ECT2L: variants seen among roughly 807,000 people sequenced by gnomAD.
ECT2L encodes the protein epithelial cell-transforming sequence 2 oncogene-like.
A neutral mutation model predicts 122.8 loss-of-function variants in ECT2L; 126 were observed. That is an observed-to-expected ratio of 1.03 (90% CI 0.89 to 1.19). The LOEUF (loss-of-function observed/expected upper bound fraction) is 1.19. ECT2L is among the 50% of genes most tolerant of loss of function. The pLI is 0.00. For synonymous variants in ECT2L, 385 were observed against 381.8 expected, an observed-to-expected ratio of 1.01 and a Z score of -0.10; for missense variants, 1,012 against 1,064.1, an observed-to-expected ratio of 0.95 and a Z score of 0.68.
intron 5 of ECT2L, among the ~76,000 whole-genome samples, chr6:138,839,726 A>AT (rs1419241150): frequency 6.6e-6 from 1 of 151,798 alleles, no homozygotes; most frequent in African/African-American, 2.4e-5. Context: ...TTTACTATTT[A>AT]TTTTTTGTTT....
intron 8 of ECT2L, among the ~76,000 whole-genome samples, chr6:138,848,149 GAC>G (rs1256269502): frequency 1.3e-5 from 2 of 152,108 alleles, no homozygotes; most frequent in Non-Finnish European, 2.9e-5. Context: ...TCCCTCCCTC[GAC>G]ACACAGGGAT....
intron 20 of ECT2L, among the ~76,000 whole-genome samples, chr6:138,893,195 GT>G (rs779846824): frequency 2.3e-5 from 3 of 128,648 alleles, no homozygotes; most frequent in Non-Finnish European, 1.7e-5. Context: ...GTTTTTTTTT[GT>G]TTTTTTTTCC....
At chr6:138,833,823 T>TA (rs10661959) in intron 4 of ECT2L, among the ~76,000 whole-genome samples, 2,215 of 150,122 alleles carry the variant, frequency 0.015, 43 homozygotes, top group African/African-American at 0.041. Flanking sequence ...AATAAATAAT[T>TA]AAAAAAAAAT....
rs1775957191 is a variant in ECT2L at position 138,813,176 on chromosome 6, T to C, written c.-99T>C. The C allele has an allele frequency of 1.3e-6, 1 of 741,352 alleles. No individual in the cohort carries two copies. Among genetic ancestry groups the C allele is most frequent in the South Asian group, 1.8e-5 (1 of 55,206 alleles). 45.9% of individuals were successfully genotyped at this position (741,352 alleles called of 1,614,324 possible). Reference sequence around the variant, plus strand: ...TAACATATTGGTTATTTCTAGGTGATCTTAATTGCACACCTATTGAAATAA... The same window carrying C: ...TAACATATTGGTTATTTCTAGGTGACCTTAATTGCACACCTATTGAAATAA... On this transcript the variant is annotated 5_prime_UTR_variant, in exon 3 of 22. Coordinates refer to ENST00000541398, the MANE Select transcript of ECT2L (RefSeq NM_001077706.3).
chr6:138,850,694 T>G (rs2128393818), intron 9 of ECT2L, among the ~76,000 whole-genome samples: 1 of 152,250 alleles, frequency 6.6e-6, no homozygotes, highest in South Asian at 2.1e-4. Context: ...ATGATAGTTC[T>G]ATTTTTACCT....
intron 18 of ECT2L, 133 bp downstream of exon 18, chr6:138,885,963 T>C (rs1778807991): frequency 4.8e-6 from 4 of 838,556 alleles, no homozygotes; most frequent in South Asian, 4.1e-5. Context: ...CTTTTAATGC[T>C]AAATCAATAG....
intron 4 of ECT2L, among the ~76,000 whole-genome samples, chr6:138,830,458 G>A (rs1168173294): frequency 6.6e-6 from 1 of 152,112 alleles, no homozygotes. Flanking sequence ...TGTCAAAAAC[G>A]AATGGATATA....
intron 4 of ECT2L, among the ~76,000 whole-genome samples, chr6:138,838,047 C>T (rs1044561809): frequency 1.3e-4 from 19 of 151,880 alleles, no homozygotes; most frequent in African/African-American, 4.4e-4. Context: ...ATTACAGGCA[C>T]GCACCACCAT....
chr6:138,822,902 C>T (rs1776315608), intron 4 of ECT2L: 20 of 1,613,772 alleles, frequency 1.2e-5, no homozygotes, highest in South Asian at 5.5e-5. Context: ...CAATAGCTTT[C>T]GTCATTGGAC....
At position 138,868,110 on chromosome 6, in the gene ECT2L, T is replaced by C. The variant is rs376887350; in HGVS notation, c.1482T>C (p.Phe494=). Residue 494 remains phenylalanine (F), a synonymous_variant, in exon 13 of 22, where the codon TTT becomes TTC. Coordinates refer to ENST00000541398, the MANE Select transcript of ECT2L (RefSeq NM_001077706.3). The part of the protein sequence containing the change: ...KSISGRMIGQ[F]MFDTMGMTNI... ...GTGGCCTTGTATTTACAGGGCAGTTTATGTTTGACACCATGGGTATGACCA... is the reference window on the plus strand; with the variant it reads ...GTGGCCTTGTATTTACAGGGCAGTTCATGTTTGACACCATGGGTATGACCA... 1 of 1,607,806 alleles carries C rather than the reference T, an allele frequency of 6.2e-7. No homozygotes were observed.
intron 13 of ECT2L, among the ~76,000 whole-genome samples, chr6:138,869,535 A>G (rs1301156346): frequency 1.3e-5 from 2 of 152,240 alleles, no homozygotes; most frequent in Non-Finnish European, 2.9e-5. Context: ...AGTGAGGCTC[A>G]GGCAGCCCAA....
chr6:138,890,632 G>T (rs1582665157), intron 20 of ECT2L, among the ~76,000 whole-genome samples: 2 of 149,196 alleles, frequency 1.3e-5, no homozygotes, highest in African/African-American at 4.9e-5. Flanking sequence ...TCCAGTTTTT[G>T]ATTATTAGAT....
intron 10 of ECT2L, among the ~76,000 whole-genome samples, chr6:138,857,564 T>A (rs186703448): frequency 1.3e-5 from 2 of 152,268 alleles, no homozygotes; most frequent in Admixed American, 1.3e-4. Flanking sequence ...CCCTGCTCCA[T>A]TCCCACCTCA....
At chr6:138,877,246 C>A (rs1284640489) in intron 14 of ECT2L, among the ~76,000 whole-genome samples, 2 of 152,148 alleles carry the variant, frequency 1.3e-5, no homozygotes, top group Non-Finnish European at 2.9e-5. Context: ...AGACCTGGGG[C>A]TCTTTCCCAG....
intron 4 of ECT2L, among the ~76,000 whole-genome samples, chr6:138,832,709 C>G (rs1396501253): frequency 3.9e-5 from 6 of 152,036 alleles, no homozygotes; most frequent in African/African-American, 1.4e-4. Context: ...CTGTGAATTT[C>G]TCAATTTCAG....
chr6:138,889,063 G>T, intron 20 of ECT2L, 32 bp downstream of exon 20: 1 of 1,268,558 alleles, frequency 7.9e-7, no homozygotes, highest in South Asian at 1.6e-5. Context: ...TAAGGCTGTG[G>T]ACACCTTCCA....
At position 138,827,422 on chromosome 6, in the gene ECT2L, G is replaced by A. The variant is rs982126920; in HGVS notation, c.180-10930G>A. ...ATTTCTTTATAGCAACACAAGAAGG[G>A]CCTAACACATATACAAACAATATAA... On this transcript the variant is annotated intron_variant, in intron 4 of 21. Transcript: ENST00000541398. 3.9e-5 allele frequency among the ~76,000 whole-genome samples: 6 copies of A among 152,058 alleles called. No homozygotes were observed. The East Asian group carries it at 1.2e-3, about 29-fold the overall frequency.
At chr6:138,852,161 A>C (rs1013319940) in intron 9 of ECT2L, among the ~76,000 whole-genome samples, 1 of 152,204 alleles carries the variant, frequency 6.6e-6, no homozygotes, top group Non-Finnish European at 1.5e-5. Flanking sequence ...ACACCTCTGT[A>C]GTCCCAGCTA....
At chr6:138,834,316 C>CCTTA (rs1452999163) in intron 4 of ECT2L, among the ~76,000 whole-genome samples, 1 of 142,742 alleles carries the variant, frequency 7.0e-6, no homozygotes, top group African/African-American at 2.5e-5. Flanking sequence ...AACTACCCTA[C>CCTTA]CTTAGTTCTG....
Sources: allele counts gnomAD v4.1 joint callset (sites outside exome capture counted in the v4.1 genomes callset), GRCh38; gene constraint gnomAD v4.1.1; transcripts MANE v1.5; gene names NCBI Gene and HGNC (gene_info 2026-07-23, HGNC 2026-07-21).